The following MAP2K2 variants were observed in gnomAD, a reference collection of about 807,000 sequenced individuals.
MAP2K2 encodes mitogen-activated protein kinase kinase 2, also known as dual specificity mitogen-activated protein kinase kinase 2.
In MAP2K2, 24 loss-of-function variants were observed where a neutral mutation model predicts 43.7. The observed-to-expected ratio is 0.55, with a 90% CI of 0.40 to 0.77. The LOEUF is 0.77. Ranked by LOEUF, MAP2K2 falls within the 30% of genes least tolerant of loss-of-function variation. The pLI, the probability that MAP2K2 is intolerant of heterozygous loss-of-function variation, is 0.00. For synonymous variants in MAP2K2, 244 were observed against 239.7 expected, an observed-to-expected ratio of 1.02 and a Z score of -0.17; for missense variants, 470 against 566.8, an observed-to-expected ratio of 0.83 and a Z score of 1.73.
intron 2 of MAP2K2, among the ~76,000 whole-genome samples, chr19:4,113,864 A>C (rs553357156): frequency 3.3e-5 from 5 of 152,256 alleles, no homozygotes; most frequent in Non-Finnish European, 5.9e-5. Context: ...CCCGGCCGCC[A>C]CCCCGCAGGC....
rs1057015494 is a variant in MAP2K2 at position 4,110,771 on chromosome 19, C to A, written c.304-116G>T. On this transcript the variant is annotated intron_variant, in intron 2 of 10. Transcript: ENST00000262948. Reference sequence around the variant, plus strand: ...AGTGGTCAAGACCAACTCAGTACCCCCTCCGCAATTCCACCCCTAGGTGTC... The same window carrying A: ...AGTGGTCAAGACCAACTCAGTACCCACTCCGCAATTCCACCCCTAGGTGTC... 6 of 1,102,118 alleles carry A rather than the reference C, an allele frequency of 5.4e-6. No homozygotes were observed. The South Asian group carries it at 5.9e-5, about 11-fold the overall frequency. The allele number at this position is 1,102,118 out of a possible 1,614,324, so 68.3% of individuals were successfully genotyped here. A position where few individuals can be genotyped will look rare whatever the true frequency, so the allele number is the denominator to read the frequency against.
In MAP2K2 at chr19:4,123,994, G is replaced by A; in HGVS notation, c.-119C>T. On this transcript the variant is annotated 5_prime_UTR_variant, in exon 1 of 11. Coordinates refer to ENST00000262948, the MANE Select transcript of MAP2K2 (RefSeq NM_030662.4). The stretch of plus-strand genomic sequence containing the variant: ...CGGCCGCGGCCCAGGCCGGCGTCGG[G>A]GCGGCCGAGGGCGGGCGGCGCTGCG... 3.6e-6 allele frequency: 1 copy of A among 278,434 alleles called. No individual in the cohort carries two copies. Among genetic ancestry groups the A allele is most frequent in the South Asian group, 1.3e-4 (1 of 7,840 alleles). The allele number at this position is 278,434 out of a possible 1,614,324, so 17.2% of individuals were successfully genotyped here.
chr19:4,115,107 G>A lies in MAP2K2; in HGVS notation c.303+2312C>T, dbSNP rs2041203800. On this transcript the variant is annotated intron_variant, in intron 2 of 10. Transcript: ENST00000262948. This position sits in a 1 kb window ranked among gnomAD's most constrained non-coding sequence, Gnocchi z 4.1. ...TTTTGAAAGAATTATAGAAGCACAG[G>A]AAGTTGCAAAAATAGTAACGAGAGT... 6.6e-6 allele frequency among the ~76,000 whole-genome samples: 1 copy of A among 152,046 alleles called. No individual in the cohort carries two copies. Among genetic ancestry groups the A allele is most frequent in the South Asian group, 2.1e-4 (1 of 4,818 alleles).
intron 3 of MAP2K2, chr19:4,102,720 C>T: frequency 1.6e-6 from 2 of 1,268,066 alleles, no homozygotes; most frequent in Non-Finnish European, 2.1e-6. Context: ...TGACTCGGCC[C>T]TCCTGAGGTC....
At chr19:4,094,525 G>A (rs1415801774) in intron 9 of MAP2K2, 27 bp from the exon 10 acceptor site, 2 of 1,558,356 alleles carry the variant, frequency 1.3e-6, no homozygotes, top group Non-Finnish European at 1.7e-6. Context: ...GCAGGACCGG[G>A]AGGCGGTGGA....
chr19:4,118,598 A>T (rs1185178040), intron 1 of MAP2K2, among the ~76,000 whole-genome samples: 1 of 152,070 alleles, frequency 6.6e-6, no homozygotes, highest in Non-Finnish European at 1.5e-5. Flanking sequence ...CAAACCAAAA[A>T]ACAAAAAAAA....
chr19:4,108,631 T>C (rs1419574853), intron 3 of MAP2K2, among the ~76,000 whole-genome samples: 2 of 152,110 alleles, frequency 1.3e-5, no homozygotes, highest in Admixed American at 1.3e-4. Flanking sequence ...TGGTGGTCTG[T>C]GTGGTGTCCC....
At chr19:4,094,936 C>T (rs900321965) in intron 9 of MAP2K2, 18 of 355,970 alleles carry the variant, frequency 5.1e-5, no homozygotes, top group African/African-American at 2.8e-4. Flanking sequence ...GCGGGGTGTC[C>T]GCAGCTCCTT....
intron 3 of MAP2K2, among the ~76,000 whole-genome samples, chr19:4,109,963 C>T (rs909907500): frequency 8.6e-5 from 13 of 152,036 alleles, no homozygotes; most frequent in Non-Finnish European, 1.5e-4. Context: ...GCCCGGGATA[C>T]AGCAAGAGAA....
intron 3 of MAP2K2, among the ~76,000 whole-genome samples, chr19:4,105,359 C>G (rs1156470901): frequency 6.6e-6 from 1 of 151,814 alleles, no homozygotes; most frequent in Non-Finnish European, 1.5e-5. Flanking sequence ...AGCTCCGCCT[C>G]CCGGGTTCAC....
chr19:4,100,994 G>C (rs1381548426), intron 6 of MAP2K2, 25 bp downstream of exon 6: 16 of 1,551,980 alleles, frequency 1.0e-5, no homozygotes, highest in Admixed American at 2.0e-5. Context: ...AGGAGAGCTG[G>C]AGGGGAGAGC....
intron 1 of MAP2K2, among the ~76,000 whole-genome samples, chr19:4,120,299 T>C (rs1366591997): frequency 6.6e-6 from 1 of 152,164 alleles, no homozygotes; most frequent in Non-Finnish European, 1.5e-5. Flanking sequence ...AATGAATGAA[T>C]AACATCAATG....
intron 7 of MAP2K2, among the ~76,000 whole-genome samples, 169 bp downstream of exon 7, chr19:4,099,032 G>A (rs1599286412): frequency 6.6e-6 from 1 of 152,208 alleles, no homozygotes; most frequent in African/African-American, 2.4e-5. Flanking sequence ...TTCCAGCTCT[G>A]TCCCCGGAAA....
intron 3 of MAP2K2, among the ~76,000 whole-genome samples, chr19:4,105,133 G>C (rs2041066821): frequency 1.3e-5 from 2 of 148,814 alleles, no homozygotes; most frequent in Non-Finnish European, 3.0e-5. Flanking sequence ...ATCTCACTCT[G>C]TGCATGACCA....
chr19:4,123,722 C>T (rs2041333813), intron 1 of MAP2K2, 62 bp downstream of exon 1: 2 of 1,321,448 alleles, frequency 1.5e-6, no homozygotes, highest in Non-Finnish European at 2.0e-6. Context: ...CTCGCCCCGT[C>T]CTTCCCCGAG....
chr19:4,105,406 C>T (rs1029047451), intron 3 of MAP2K2, among the ~76,000 whole-genome samples: 6 of 151,790 alleles, frequency 4.0e-5, no homozygotes, highest in African/African-American at 1.5e-4. Context: ...GTAGCTGGGA[C>T]TACAGGTGCC....
At position 4,093,574 on chromosome 19, in the gene MAP2K2, G is replaced by A. The variant is rs946539457; in HGVS notation, c.1092+879C>T. On this transcript the variant is annotated intron_variant, in intron 10 of 10. Coordinates refer to ENST00000262948, the MANE Select transcript of MAP2K2 (RefSeq NM_030662.4). ...GGTGTGGTGGCGGGTGCCTGTAATC[G>A]TAGCTACCTGGGAGGCTGACTGGAG... Among the ~76,000 whole-genome samples the A allele has an allele frequency of 3.3e-5, 5 of 152,006 alleles. No individual in the cohort carries two copies. The South Asian group carries it at 6.3e-4, about 19-fold the overall frequency.
intron 1 of MAP2K2, 37 bp downstream of exon 1, chr19:4,123,747 T>G (rs2041334266): frequency 6.9e-7 from 1 of 1,444,786 alleles, no homozygotes; most frequent in East Asian, 2.9e-5. Flanking sequence ...CCCTGCCCCG[T>G]GCACCCCAAG....
chr19:4,097,232 A>G, intron 8 of MAP2K2, 47 bp downstream of exon 8: 2 of 1,234,876 alleles, frequency 1.6e-6, no homozygotes, highest in Non-Finnish European at 2.3e-6. Context: ...AAAAAAAGAA[A>G]GAAGAAAGAA....
Sources: allele counts gnomAD v4.1 joint callset (sites outside exome capture counted in the v4.1 genomes callset), GRCh38; gene constraint gnomAD v4.1.1; non-coding constraint Gnocchi (gnomAD v3.1); transcripts MANE v1.5; gene names NCBI Gene and HGNC (gene_info 2026-07-23, HGNC 2026-07-21).